The following ATXN2L variants were observed in gnomAD, a reference collection of about 807,000 sequenced individuals.
The protein encoded by ATXN2L is ataxin-2-like protein.
In ATXN2L, 24 loss-of-function variants were observed where a neutral mutation model predicts 120.7. That is an observed-to-expected ratio of 0.20 (90% CI 0.14 to 0.28). The LOEUF (loss-of-function observed/expected upper bound fraction) is 0.28, where lower values mean the gene tolerates loss of function less well. Ranked by LOEUF, ATXN2L falls within the 10% of genes least tolerant of loss-of-function variation. ATXN2L has a pLI of 1.00. For synonymous variants in ATXN2L, 653 were observed against 568.1 expected, an observed-to-expected ratio of 1.15 and a Z score of -2.13; for missense variants, 1,312 against 1,432.3, an observed-to-expected ratio of 0.92 and a Z score of 1.36.
In ATXN2L at chr16:28,836,289, C is replaced by T; in HGVS notation, c.*24C>T. ...GAGGGGTCTTGGAGGCAGGGCTGTC[C>T]CACAGGGCGCCCGCCGACCTGCACC... On this transcript the variant is annotated 3_prime_UTR_variant, in exon 22 of 22. Transcript: ENST00000336783. 2 of 1,609,330 alleles carry T rather than the reference C, an allele frequency of 1.2e-6. No homozygotes were observed. Among genetic ancestry groups the T allele is most frequent in the Non-Finnish European group, 1.7e-6 (2 of 1,177,532 alleles).
intron 1 of ATXN2L, 104 bp from the exon 2 acceptor site, chr16:28,825,258 CTAAA>C (rs1313321070): frequency 1.9e-6 from 2 of 1,068,670 alleles, no homozygotes; most frequent in African/African-American, 3.2e-5. Flanking sequence ...ATTTTGTAGT[CTAAA>C]TCAGCATCAT....
At chr16:28,831,878 C>T (rs1463657036) in intron 10 of ATXN2L, among the ~76,000 whole-genome samples, 1 of 152,180 alleles carries the variant, frequency 6.6e-6, no homozygotes, top group Non-Finnish European at 1.5e-5. Context: ...GAGCGATACC[C>T]TGTCTCTAAA....
Position 28,829,484 on chromosome 16 carries a change from T to C in ATXN2L, c.825T>C (p.Ser275=). 1 of 1,601,332 alleles carries C rather than the reference T, an allele frequency of 6.2e-7. No homozygotes were observed. Among genetic ancestry groups the C allele is most frequent in the Non-Finnish European group, 8.6e-7 (1 of 1,168,322 alleles). ...GVKTTYDSSL[S]SYTVPLEKDN... ...AGACTACCTATGATAGCAGTCTTTCTTCTTATACGTGAGTATCTTGGTGCT... is the reference window on the plus strand; with the variant it reads ...AGACTACCTATGATAGCAGTCTTTCCTCTTATACGTGAGTATCTTGGTGCT... Residue 275 remains serine (S), a synonymous_variant, in exon 7 of 22, where the codon TCT becomes TCC. Transcript: ENST00000336783.
chr16:28,836,778 AGATT>A lies in ATXN2L; in HGVS notation c.*515_*518del. 1.9e-6 allele frequency: 3 copies of A among 1,613,776 alleles called. No homozygotes were observed. The highest frequency in any genetic ancestry group is 2.5e-6 in the Non-Finnish European group (3 of 1,179,908). On this transcript the variant is annotated 3_prime_UTR_variant, in exon 22 of 22. Coordinates refer to ENST00000336783, the MANE Select transcript of ATXN2L (RefSeq NM_007245.4). ...CCCCTTCCACCCCCCGGGGAACTGA[AGATT>A]GTCCTGGCCGCGACCTGAGACCTCC... is the stretch of plus-strand genomic sequence containing the variant.
intron 10 of ATXN2L, among the ~76,000 whole-genome samples, chr16:28,831,374 C>T (rs1433899396): frequency 6.6e-6 from 1 of 152,036 alleles, no homozygotes; most frequent in African/African-American, 2.4e-5. Context: ...GTTGCCTGGG[C>T]CAGAGTACGG....
intron 20 of ATXN2L, 27 bp from the exon 21 acceptor site, chr16:28,835,522 G>A: frequency 6.2e-7 from 1 of 1,612,188 alleles, no homozygotes. Context: ...TGGCCTGTGT[G>A]GCACTCAACC....
chr16:28,826,324 G>T lies in ATXN2L; in HGVS notation c.550G>T (p.Val184Leu), dbSNP rs764393307. Residue 184 changes from valine (V) to leucine (L), a missense_variant, in exon 5 of 22, where the codon GTG (valine) becomes TTG (leucine). Coordinates refer to ENST00000336783, the MANE Select transcript of ATXN2L (RefSeq NM_007245.4). Reference protein sequence around the residue: ...PRREDIVDTMVFKPSDVMLVH... With the variant: ...PRREDIVDTMLFKPSDVMLVH... ...TCGGGAGGACATTGTGGACACCATG[G>T]TGTTTAAGCCAAGTGATGTCATGCT... The T allele has an allele frequency of 3.7e-6, 6 of 1,614,184 alleles. 1 individual carries two copies. The South Asian group carries it at 5.5e-5, about 15-fold the overall frequency.
intron 10 of ATXN2L, 57 bp downstream of exon 10, chr16:28,831,129 A>G (rs2054246532): frequency 5.0e-6 from 6 of 1,194,178 alleles, no homozygotes; most frequent in Admixed American, 2.2e-5. Flanking sequence ...AAGAGATGTA[A>G]ATATGTCCAT....
chr16:28,835,043 T>C lies in ATXN2L; in HGVS notation c.2434-15T>C. ...CTGGCGGCTGTGCCAACCACTCCTC[T>C]CTCTGTCCCGCCAGCCGGTGTTTGC... On this transcript the variant is annotated splice_polypyrimidine_tract_variant and intron_variant, in intron 18 of 21. Transcript: ENST00000336783. The C allele has an allele frequency of 6.2e-7, 1 of 1,604,202 alleles. No homozygotes were observed. Among genetic ancestry groups the C allele is most frequent in the East Asian group, 2.2e-5 (1 of 44,852 alleles).
In ATXN2L at chr16:28,830,934, C is replaced by CT. The variant is rs201667327; in HGVS notation, c.1211-27dup. On this transcript the variant is annotated intron_variant, in intron 9 of 21. Coordinates refer to ENST00000336783, the MANE Select transcript of ATXN2L (RefSeq NM_007245.4). ...GTCGTCTGCCTCCTGACATTTTCTT[C>CT]TCAAAAAAAAAAAAAAAAACCAAAC... The CT allele has an allele frequency of 4.3e-3, 5,343 of 1,256,220 alleles. 141 individuals carry two copies. The African/African-American group carries it at 0.076, about 18-fold the overall frequency. 77.8% of individuals were successfully genotyped at this position (1,256,220 alleles called of 1,614,324 possible).
chr16:28,833,999 A>G (rs1160400095), intron 15 of ATXN2L, 66 bp from the exon 16 acceptor site: 7 of 1,536,384 alleles, frequency 4.6e-6, no homozygotes, highest in South Asian at 2.4e-5. Context: ...AATTATTACC[A>G]CTCTAGGCAT....
rs1222468159 is a variant in ATXN2L at position 28,826,940 on chromosome 16, A to C, written c.695A>C (p.Glu232Ala). The change falls in exon 6 of 22, where the codon GAG becomes GCG. Residue 232 changes from glutamate (E) to alanine (A), a missense_variant. By Grantham distance (107) the Glu-to-Ala change is moderately radical. Coordinates refer to ENST00000336783, the MANE Select transcript of ATXN2L (RefSeq NM_007245.4). ...AAAGAGAAGGTGCTTCAGCGCTGGG[A>C]GGGGGGTGACAGCAACAGCGACGAC... ...EHKEKVLQRW[E>A]GGDSNSDDYD... 6.3e-7 allele frequency: 1 copy of C among 1,588,148 alleles called. No individual in the cohort carries two copies. Among genetic ancestry groups the C allele is most frequent in the Non-Finnish European group, 8.6e-7 (1 of 1,163,858 alleles).
chr16:28,823,898 A>C, intron 1 of ATXN2L: 1 of 258,480 alleles, frequency 3.9e-6, no homozygotes. Flanking sequence ...CATTACCACG[A>C]AGGGTCTCGC....
In ATXN2L at chr16:28,829,893, G is replaced by A. The variant is rs755635449; in HGVS notation, c.869G>A (p.Arg290His). The A allele has an allele frequency of 9.9e-6, 16 of 1,614,106 alleles. No individual in the cohort carries two copies. The highest frequency in any genetic ancestry group is 2.2e-5 in the South Asian group (2 of 91,086). Residue 290 changes from arginine (R) to histidine (H), a missense_variant, in exon 8 of 22, where the codon CGT becomes CAT. By Grantham distance (29) the Arg-to-His change is conservative. Transcript: ENST00000336783. ...GAAAAGGACAACTCAGAAGAGTTTCGTCAGCGAGAGCTGCGTGCGGCCCAG... is the reference window on the plus strand; with the variant it reads ...GAAAAGGACAACTCAGAAGAGTTTCATCAGCGAGAGCTGCGTGCGGCCCAG... Reference protein sequence around the residue: ...PLEKDNSEEFRQRELRAAQLA... With the variant: ...PLEKDNSEEFHQRELRAAQLA...
rs987590280 is a variant in ATXN2L at position 28,834,615 on chromosome 16, T to G, written c.2355T>G (p.Ser785=). 1.2e-6 allele frequency: 2 copies of G among 1,613,806 alleles called. No homozygotes were observed. Among genetic ancestry groups the G allele is most frequent in the African/African-American group, 2.7e-5 (2 of 74,922 alleles). ...CTCTGGTGGCTGCCACGCCCTATTC[T>G]TCCTACATCCCCTACAACCCTCAGC... ...GPPLVAATPY[S]SYIPYNPQQF... The change falls in exon 18 of 22, where the codon TCT becomes TCG. Residue 785 remains serine (S), a synonymous_variant. Coordinates refer to ENST00000336783, the MANE Select transcript of ATXN2L (RefSeq NM_007245.4).
chr16:28,832,652 G>A (rs2054932057), intron 12 of ATXN2L, 85 bp downstream of exon 12: 1 of 1,482,928 alleles, frequency 6.7e-7, no homozygotes, highest in Non-Finnish European at 9.4e-7. Context: ...TTGGAATTCA[G>A]AGGCAAACAA....
intron 13 of ATXN2L, 56 bp downstream of exon 13, chr16:28,832,943 T>C: frequency 6.2e-7 from 1 of 1,603,914 alleles, no homozygotes; most frequent in Non-Finnish European, 8.5e-7. Context: ...GAGTGGTTCG[T>C]AGATGAGGCA....
At chr16:28,825,722 T>C (rs761593876) in intron 3 of ATXN2L, 42 bp downstream of exon 3, 14 of 1,612,966 alleles carry the variant, frequency 8.7e-6, no homozygotes, top group Admixed American at 3.3e-5. Flanking sequence ...AGGAACGTAA[T>C]GCATCTACTT....
At chr16:28,823,765 C>T (rs1409171534) in intron 1 of ATXN2L, 7 of 467,520 alleles carry the variant, frequency 1.5e-5, no homozygotes, top group Non-Finnish European at 2.0e-5. Context: ...GGGCCGCGCT[C>T]GGCTCTCGGG....
Sources: gnomAD v4.1 joint callset for allele counts (sites outside exome capture counted in the v4.1 genomes callset) on GRCh38, gnomAD v4.1.1 for gene constraint, MANE v1.5 for transcripts, NCBI Gene and HGNC (gene_info 2026-07-23, HGNC 2026-07-21) for gene names.